The following MCM3AP variants were observed in gnomAD, a reference collection of about 807,000 sequenced individuals.
MCM3AP encodes the protein minichromosome maintenance complex component 3 associated protein, also known as germinal-center associated nuclear protein.
A neutral mutation model predicts 184.1 loss-of-function variants in MCM3AP; 126 were observed. The observed-to-expected ratio is 0.68, with a 90% CI of 0.59 to 0.79. MCM3AP has a LOEUF of 0.79. Ranked by LOEUF, MCM3AP falls within the 30% of genes least tolerant of loss-of-function variation. The pLI is 0.00. For missense variants in MCM3AP, 2,496 were observed against 2,479.2 expected, an observed-to-expected ratio of 1.01 and a Z score of -0.14; for synonymous variants, 1,002 against 979.3, an observed-to-expected ratio of 1.02 and a Z score of -0.43.
Position 46,284,756 on chromosome 21 carries a change from T to C in MCM3AP, c.531A>G (p.Thr177=), listed in dbSNP as rs1284918589. ...TQSQIASGFF[T]FSHPISSAPG... The stretch of plus-strand genomic sequence containing the variant: ...GTGCACTACTAATTGGGTGGGAAAA[T>C]GTAAAAAACCCAGAAGCAATTTGGC... Residue 177 remains threonine, a synonymous_variant, in exon 1 of 28, where the codon ACA becomes ACG. Coordinates refer to ENST00000291688, the MANE Select transcript of MCM3AP (RefSeq NM_003906.5). 1 of 1,613,644 alleles carries C rather than the reference T, an allele frequency of 6.2e-7. No homozygotes were observed. Among genetic ancestry groups the C allele is most frequent in the African/African-American group, 1.3e-5 (1 of 74,852 alleles).
rs777180078 is a variant in MCM3AP, at chr21:46,246,861, C to A, written c.4316G>T (p.Gly1439Val). ...CTGTGTCTCCACAGCATCAATGGCA[C>A]CATCACTGAGGGCGCCATGGGCCAC... Reference protein sequence around the residue: ...IKVAHGALSDGAIDAVETQKD... With the variant: ...IKVAHGALSDVAIDAVETQKD... The change falls in exon 21 of 28, where the codon GGT (glycine) becomes GTT (valine). Residue 1439 changes from glycine (G) to valine (V), a missense_variant. By Grantham distance (109) the Gly-to-Val change is moderately radical. This residue lies in a region of MCM3AP where 1,323 missense variants were observed against 1,273.4 expected (regional missense o/e 1.04). Coordinates refer to ENST00000291688, the MANE Select transcript of MCM3AP (RefSeq NM_003906.5). 48 of 1,614,086 alleles carry A rather than the reference C, an allele frequency of 3.0e-5. No homozygotes were observed. In the East Asian group the frequency reaches 4.2e-4, roughly 14 times the overall value.
Position 46,283,800 on chromosome 21 carries a change from T to G in MCM3AP, c.1258A>C (p.Ser420Arg). Residue 420 changes from serine to arginine, a missense_variant, in exon 2 of 28, where the codon AGC (serine) becomes CGC (arginine). Around this residue, in one of 5 missense-constraint regions of MCM3AP, gnomAD observed 800 missense variants for 717.1 expected, o/e 1.12. Coordinates refer to ENST00000291688, the MANE Select transcript of MCM3AP (RefSeq NM_003906.5). ...CCCCCAAGACTGTCTGTGCTCTCGC[T>G]TCTGTTACTCTGACGCGCCGGAGTT... ...RGTPARQSNR[S>R]ESTDSLGGLS... The G allele has an allele frequency of 6.2e-7, 1 of 1,614,048 alleles. No individual in the cohort carries two copies. The highest frequency in any genetic ancestry group is 8.5e-7 in the Non-Finnish European group (1 of 1,180,014).
Position 46,259,903 on chromosome 21 carries a change from T to TC in MCM3AP, c.3582-813dup, listed in dbSNP as rs1217050303. ...TTGGGTAACAGAGTAAAACTCCATT[T>TC]CAAAAAAAAAAAAAAAAAAAAAATT... On this transcript the variant is annotated intron_variant, in intron 15 of 27. Coordinates refer to ENST00000291688, the MANE Select transcript of MCM3AP (RefSeq NM_003906.5). Among the ~76,000 whole-genome samples the TC allele has an allele frequency of 9.9e-5, 9 of 91,082 alleles. No homozygotes were observed. In the Admixed American group the frequency reaches 1.0e-3, roughly 10 times the overall value. 59.8% of individuals were successfully genotyped at this position (91,082 alleles called of 152,430 possible). A position where few individuals can be genotyped will look rare whatever the true frequency, so the allele number is the denominator to read the frequency against.
At chr21:46,251,473 G>A in intron 20 of MCM3AP, 56 bp downstream of exon 20, 1 of 1,435,796 alleles carries the variant, frequency 7.0e-7, no homozygotes, top group South Asian at 1.2e-5. Context: ...GTGATATCTG[G>A]GAGTAAGTGA....
rs755873464 is a variant in MCM3AP at position 46,277,563 on chromosome 21, G to A, written c.1822C>T (p.Arg608Cys). 84 of 1,599,216 alleles carry A rather than the reference G, an allele frequency of 5.3e-5. No homozygotes were observed. The highest frequency in any genetic ancestry group is 7.0e-5 in the Non-Finnish European group (82 of 1,173,192). Residue 608 changes from arginine to cysteine, a missense_variant, in exon 5 of 28, where the codon CGC becomes TGC. By Grantham distance (180) the Arg-to-Cys change is radical. Around this residue, in one of 5 missense-constraint regions of MCM3AP, gnomAD observed 130 missense variants for 199.8 expected, o/e 0.65. Transcript: ENST00000291688. ...ATCCTGTCTCTCTGGTCAAGCAGGC[G>A]GTACTTCTCCTTGGATGTCTCAGCC... Reference protein sequence around the residue: ...TVAETSKEKYRLLDQRDRIMR... With the variant: ...TVAETSKEKYCLLDQRDRIMR...
At chr21:46,271,556 C>A (rs2081180186) in intron 8 of MCM3AP, among the ~76,000 whole-genome samples, 1 of 151,726 alleles carries the variant, frequency 6.6e-6, no homozygotes, top group Non-Finnish European at 1.5e-5. Context: ...CTATACAAGG[C>A]TTAATTTTAA....
chr21:46,260,839 G>A lies in MCM3AP; in HGVS notation c.3535C>T (p.Arg1179Cys), dbSNP rs375263557. 5.1e-5 allele frequency: 83 copies of A among 1,613,960 alleles called. No individual in the cohort carries two copies. Among genetic ancestry groups the A allele is most frequent in the East Asian group, 2.5e-4 (11 of 44,888 alleles). Residue 1179 changes from arginine (R) to cysteine (C), a missense_variant, in exon 15 of 28, where the codon CGC becomes TGC. Arg to Cys is a radical substitution (Grantham distance 180). This residue lies in a region of MCM3AP where 1,323 missense variants were observed against 1,273.4 expected (regional missense o/e 1.04). Transcript: ENST00000291688. ...TCCCTCACAAACTCCATCATCACGC[G>A]TTCCATCAGCTCCACGGCCAGGCCC... ...SQGLAVELME[R>C]VMMEFVRETC...
In MCM3AP at chr21:46,284,780, G is replaced by T. The variant is rs372972565; in HGVS notation, c.507C>A (p.Ser169Arg). 4.3e-6 allele frequency: 7 copies of T among 1,613,562 alleles called. No individual in the cohort carries two copies. The highest frequency in any genetic ancestry group is 4.5e-5 in the East Asian group (2 of 44,882). Residue 169 changes from serine to arginine, a missense_variant, in exon 1 of 28, where the codon AGC (serine) becomes AGA (arginine). This residue lies in a region of MCM3AP where 800 missense variants were observed against 717.1 expected (regional missense o/e 1.12). Coordinates refer to ENST00000291688, the MANE Select transcript of MCM3AP (RefSeq NM_003906.5). ...ATGTAAAAAACCCAGAAGCAATTTG[G>T]CTCTGGGTTTTCTCTGGCTCAGATT... ...GAESEPEKTQ[S>R]QIASGFFTFS...
At chr21:46,262,420 G>C (rs2081052024) in intron 13 of MCM3AP, among the ~76,000 whole-genome samples, 2 of 152,116 alleles carry the variant, frequency 1.3e-5, no homozygotes, top group South Asian at 4.1e-4. Context: ...GGCTGAGGTG[G>C]GAGCACTGCT....
chr21:46,263,461 T>C (rs913914374), intron 13 of MCM3AP, among the ~76,000 whole-genome samples: 2 of 151,374 alleles, frequency 1.3e-5, no homozygotes, highest in Non-Finnish European at 2.9e-5. Flanking sequence ...CATCCCACAT[T>C]CTCAGATTAG....
rs2080655731 is a variant in MCM3AP at position 46,241,090 on chromosome 21, T to C, written c.5427-73A>G. 8.0e-6 allele frequency: 9 copies of C among 1,118,362 alleles called. No homozygotes were observed. In the South Asian group the frequency reaches 1.2e-4, roughly 15 times the overall value. 69.3% of individuals were successfully genotyped at this position (1,118,362 alleles called of 1,614,324 possible). A position where few individuals can be genotyped will look rare whatever the true frequency, so the allele number is the denominator to read the frequency against. On this transcript the variant is annotated intron_variant, in intron 25 of 27. Coordinates refer to ENST00000291688, the MANE Select transcript of MCM3AP (RefSeq NM_003906.5). Reference sequence around the variant, plus strand: ...TACAGCATCATGTAAAGCATGTAGATACATTTGCACATGTGCATTAACATG... The same window carrying C: ...TACAGCATCATGTAAAGCATGTAGACACATTTGCACATGTGCATTAACATG...
At chr21:46,278,613 C>G (rs115963934) in intron 4 of MCM3AP, among the ~76,000 whole-genome samples, 12 of 152,106 alleles carry the variant, frequency 7.9e-5, no homozygotes, top group African/African-American at 2.7e-4. Context: ...CATGGCCGAC[C>G]GTGTCTGCTT....
chr21:46,266,981 C>A lies in MCM3AP; in HGVS notation c.2789+1G>T, dbSNP rs2081120406. 6.2e-7 allele frequency: 1 copy of A among 1,613,990 alleles called. No homozygotes were observed. Among genetic ancestry groups the A allele is most frequent in the African/African-American group, 1.3e-5 (1 of 74,948 alleles). ...CCCACAGTTCCATTCTCAGCTCTTA[C>A]CCGTCGGAAACGGTGAGGCCGTGGC... On this transcript the variant is annotated splice_donor_variant, in intron 10 of 27. Coordinates refer to ENST00000291688, the MANE Select transcript of MCM3AP (RefSeq NM_003906.5). LOFTEE classifies it high-confidence loss of function.
At position 46,283,820 on chromosome 21, in the gene MCM3AP, G is replaced by T; in HGVS notation, c.1238C>A (p.Pro413Gln). 1 of 1,612,636 alleles carries T rather than the reference G, an allele frequency of 6.2e-7. No homozygotes were observed. Among genetic ancestry groups the T allele is most frequent in the Non-Finnish European group, 8.5e-7 (1 of 1,179,286 alleles). The part of the protein sequence containing the change: ...EKKEDSLRGT[P>Q]ARQSNRSEST... ...CTCGCTTCTGTTACTCTGACGCGCC[G>T]GAGTTCCTCTTAGAGAATCTAGGGG... Residue 413 changes from proline to glutamine, a missense_variant, in exon 2 of 28, where the codon CCG (proline) becomes CAG (glutamine). Transcript: ENST00000291688.
At chr21:46,259,167 A>T in intron 15 of MCM3AP, 76 bp from the exon 16 acceptor site, 1 of 1,489,686 alleles carries the variant, frequency 6.7e-7, no homozygotes, top group Non-Finnish European at 9.1e-7. Flanking sequence ...TGAAAAGTGC[A>T]AGAGTCAGTC....
At chr21:46,237,011 T>C in intron 26 of MCM3AP, 32 bp from the exon 27 acceptor site, 1 of 1,403,876 alleles carries the variant, frequency 7.1e-7, no homozygotes, top group South Asian at 1.6e-5. Flanking sequence ...TCAAAAATAT[T>C]TGAGCATTAG....
intron 22 of MCM3AP, 97 bp from the exon 23 acceptor site, chr21:46,245,294 T>C: frequency 8.7e-7 from 1 of 1,143,868 alleles, no homozygotes; most frequent in Non-Finnish European, 1.2e-6. Flanking sequence ...CCACAGCAGG[T>C]AATACCAGAG....
intron 23 of MCM3AP, 95 bp downstream of exon 23, chr21:46,244,711 TG>T: frequency 1.5e-6 from 2 of 1,352,102 alleles, no homozygotes; most frequent in Non-Finnish European, 2.0e-6. Context: ...GCCCTCACAC[TG>T]GTGCCCAACA....
intron 20 of MCM3AP, 175 bp from the exon 21 acceptor site, chr21:46,247,061 G>T: frequency 1.7e-6 from 1 of 579,918 alleles, no homozygotes; most frequent in Non-Finnish European, 3.0e-6. Flanking sequence ...ACTTCCTGTA[G>T]TTATTTTAAT....
Sources: gnomAD v4.1 joint callset for allele counts (sites outside exome capture counted in the v4.1 genomes callset) on GRCh38, gnomAD v4.1.1 for gene constraint, gnomAD v4.1.1 regional missense constraint, MANE v1.5 for transcripts, NCBI Gene and HGNC (gene_info 2026-07-23, HGNC 2026-07-21) for gene names.